TNFRSF21: variants seen among roughly 807,000 people sequenced by gnomAD.
TNFRSF21 encodes TNF receptor superfamily member 21.
Under a neutral mutation model 45.6 loss-of-function variants are expected in TNFRSF21, and 19 were observed. The ratio of observed to expected loss-of-function variants is 0.42; its 90% confidence interval spans 0.29 to 0.61. The LOEUF (loss-of-function observed/expected upper bound fraction) is 0.61, where lower values mean the gene tolerates loss of function less well. TNFRSF21 is among the 20% of genes least tolerant of loss of function. The probability of loss-of-function intolerance (pLI) is 0.23; values close to 1 mark genes in which losing one functional copy is unlikely to be tolerated. For missense variants in TNFRSF21, 737 were observed against 851.5 expected (o/e 0.87, Z 1.67); for synonymous variants, 314 against 335.5 (o/e 0.94, Z 0.70).
intron 3 of TNFRSF21, among the ~76,000 whole-genome samples, chr6:47,263,328 G>T: frequency 6.6e-6 from 1 of 152,178 alleles, no homozygotes; most frequent in East Asian, 1.9e-4. Flanking sequence ...CAAGCAGGCA[G>T]GAGCATATTT....
chr6:47,235,224 T>C (rs763571872), intron 4 of TNFRSF21, among the ~76,000 whole-genome samples: 14 of 152,188 alleles, frequency 9.2e-5, no homozygotes, highest in Non-Finnish European at 1.9e-4. Context: ...AAAGGAGTCT[T>C]AGATATAATT....
At chr6:47,273,524 TG>T (rs1188946321) in intron 3 of TNFRSF21, among the ~76,000 whole-genome samples, 2 of 151,984 alleles carry the variant, frequency 1.3e-5, no homozygotes, top group Non-Finnish European at 2.9e-5. Context: ...AAATAATAAG[TG>T]CTATTGATGA....
Position 47,232,549 on chromosome 6 carries a change from C to T in TNFRSF21, c.*216G>A, listed in dbSNP as rs931169897. On this transcript the variant is annotated 3_prime_UTR_variant, in exon 6 of 6. Coordinates refer to ENST00000296861, the MANE Select transcript of TNFRSF21 (RefSeq NM_014452.5). ...TGGCAAAGGCTTATAAACCAACTTC[C>T]CAGAAGAGTTATTTAAAAAAAAAAG... 2 of 540,884 alleles carry T rather than the reference C, an allele frequency of 3.7e-6. No individual in the cohort carries two copies. The highest frequency in any genetic ancestry group is 1.9e-5 in the African/African-American group (1 of 51,444). 33.5% of individuals were successfully genotyped at this position (540,884 alleles called of 1,614,324 possible). A position where few individuals can be genotyped will look rare whatever the true frequency, so the allele number is the denominator to read the frequency against.
intron 3 of TNFRSF21, among the ~76,000 whole-genome samples, chr6:47,283,092 G>T (rs76272062): frequency 0.031 from 4,665 of 152,252 alleles, 102 homozygotes; most frequent in Non-Finnish European, 0.046. Flanking sequence ...CTCTTTGAGG[G>T]GAGAGGACAC....
intron 1 of TNFRSF21, among the ~76,000 whole-genome samples, chr6:47,295,303 C>T (rs1296314716): frequency 6.6e-6 from 1 of 152,220 alleles, no homozygotes; most frequent in Non-Finnish European, 1.5e-5. Context: ...ACTCCATGAC[C>T]TCATCCTTCA....
At chr6:47,252,228 T>C (rs1173903919) in intron 4 of TNFRSF21, among the ~76,000 whole-genome samples, 3 of 152,242 alleles carry the variant, frequency 2.0e-5, no homozygotes, top group Admixed American at 6.5e-5. Flanking sequence ...ACTGAATTGA[T>C]GTCATAAAAA....
At chr6:47,246,808 A>C (rs895650391) in intron 4 of TNFRSF21, among the ~76,000 whole-genome samples, 3 of 152,190 alleles carry the variant, frequency 2.0e-5, no homozygotes, top group Non-Finnish European at 4.4e-5. Flanking sequence ...TCTTGAAAAA[A>C]AACTAGTCTG....
At chr6:47,308,768 G>A (rs141353083) in intron 1 of TNFRSF21, among the ~76,000 whole-genome samples, 2,131 of 152,320 alleles carry the variant, frequency 0.014, 21 homozygotes, top group Non-Finnish European at 0.022. Context: ...GCCGGAGAGT[G>A]GGTCTAAGGG....
At chr6:47,268,595 A>G in intron 3 of TNFRSF21, among the ~76,000 whole-genome samples, 1 of 150,296 alleles carries the variant, frequency 6.7e-6, no homozygotes, top group Admixed American at 6.6e-5. Context: ...TTTCACCTGG[A>G]GCCAAGATCT....
At chr6:47,263,625 A>G (rs1762280127) in intron 3 of TNFRSF21, among the ~76,000 whole-genome samples, 1 of 152,218 alleles carries the variant, frequency 6.6e-6, no homozygotes, top group Non-Finnish European at 1.5e-5. Flanking sequence ...AAGGGAGGCA[A>G]CAGTGTCGAT....
chr6:47,308,599 G>A (rs1365357706), intron 1 of TNFRSF21, among the ~76,000 whole-genome samples: 1 of 152,220 alleles, frequency 6.6e-6, no homozygotes, highest in Admixed American at 6.5e-5. Context: ...AGACGATGAG[G>A]GAGACTGCAC....
intron 3 of TNFRSF21, among the ~76,000 whole-genome samples, chr6:47,264,255 C>T (rs186761721): frequency 1.3e-4 from 20 of 152,216 alleles, no homozygotes; most frequent in Admixed American, 1.1e-3. Flanking sequence ...AGGCCGGGTG[C>T]GGTGGCTCAC....
chr6:47,246,462 T>C (rs1764826430), intron 4 of TNFRSF21, among the ~76,000 whole-genome samples: 1 of 152,148 alleles, frequency 6.6e-6, no homozygotes, highest in African/African-American at 2.4e-5. Context: ...CAAGGTCACA[T>C]AGTGAGTGGC....
chr6:47,261,267 T>C (rs938041886), intron 3 of TNFRSF21, among the ~76,000 whole-genome samples: 2 of 152,240 alleles, frequency 1.3e-5, no homozygotes, highest in Non-Finnish European at 2.9e-5. Context: ...ATTACTGGAA[T>C]TGATGTTCCA....
chr6:47,239,285 CAAAAAAAAAAAA>C (rs548172761), intron 4 of TNFRSF21, among the ~76,000 whole-genome samples: 3 of 57,370 alleles, frequency 5.2e-5, no homozygotes, highest in Admixed American at 4.1e-4. Context: ...GACTCCATCT[CAAAAAAAAAAAA>C]AAAAAAAAAA....
chr6:47,266,355 A>G (rs1762333771), intron 3 of TNFRSF21, among the ~76,000 whole-genome samples: 1 of 152,200 alleles, frequency 6.6e-6, no homozygotes. Flanking sequence ...TAGAACTCTG[A>G]ACTGGGCTGT....
At chr6:47,241,670 G>A (rs1217670075) in intron 4 of TNFRSF21, among the ~76,000 whole-genome samples, 1 of 152,140 alleles carries the variant, frequency 6.6e-6, no homozygotes, top group Non-Finnish European at 1.5e-5. Flanking sequence ...AATCTAGATG[G>A]TAGATTTATT....
At chr6:47,245,157 A>G (rs1207940948) in intron 4 of TNFRSF21, among the ~76,000 whole-genome samples, 1 of 152,114 alleles carries the variant, frequency 6.6e-6, no homozygotes, top group Non-Finnish European at 1.5e-5. Flanking sequence ...CTGAATGGTG[A>G]GACACTCTGT....
chr6:47,244,279 G>A (rs1764793877), intron 4 of TNFRSF21, among the ~76,000 whole-genome samples: 1 of 142,716 alleles, frequency 7.0e-6, no homozygotes, highest in African/African-American at 2.6e-5. Context: ...ACCCGAGATG[G>A]CGCCACTGCA....
Sources: gnomAD v4.1 joint callset for allele counts (sites outside exome capture counted in the v4.1 genomes callset) on GRCh38, gnomAD v4.1.1 for gene constraint, MANE v1.5 for transcripts, NCBI Gene and HGNC (gene_info 2026-07-23, HGNC 2026-07-21) for gene names.